Variants in QTMAN observed in about 807,000 individuals in gnomAD.
The protein encoded by QTMAN is queuosine-tRNA mannosyltransferase.
the QTMAN span, among the ~76,000 whole-genome samples, chr2:144,172,621 CAA>C: frequency 6.1e-3 from 314 of 51,348 alleles, no homozygotes; most frequent in African/African-American, 0.015. Flanking sequence ...AAGACTCTGT[CAA>C]AAAAAAAAAA....
chr2:144,121,104 T>A, the QTMAN span, among the ~76,000 whole-genome samples: 1 of 152,138 alleles, frequency 6.6e-6, no homozygotes, highest in East Asian at 1.9e-4. Context: ...GATGGCACTA[T>A]GTTCAAGGGG....
chr2:144,246,769 T>C, the QTMAN span, among the ~76,000 whole-genome samples: 2 of 152,176 alleles, frequency 1.3e-5, no homozygotes, highest in African/African-American at 4.8e-5. Flanking sequence ...CGAGTCCCTC[T>C]GCCTTGAATC....
At chr2:144,126,061 A>G in the QTMAN span, among the ~76,000 whole-genome samples, 1 of 152,002 alleles carries the variant, frequency 6.6e-6, no homozygotes, top group Non-Finnish European at 1.5e-5. Flanking sequence ...GATAGCCAGA[A>G]AATTATACAA....
the QTMAN span, among the ~76,000 whole-genome samples, chr2:144,027,763 G>C: frequency 6.6e-6 from 1 of 152,196 alleles, no homozygotes; most frequent in Non-Finnish European, 1.5e-5. Flanking sequence ...AGGTAATCCA[G>C]TTACTCCTGC....
chr2:143,980,212 G>T, the QTMAN span, among the ~76,000 whole-genome samples: 1 of 151,752 alleles, frequency 6.6e-6, no homozygotes, highest in East Asian at 1.9e-4. Flanking sequence ...ACAGGCCCCA[G>T]TGTGTGTTGT....
At chr2:144,081,631 G>T in the QTMAN span, among the ~76,000 whole-genome samples, 1 of 152,122 alleles carries the variant, frequency 6.6e-6, no homozygotes, top group Non-Finnish European at 1.5e-5. Flanking sequence ...GACGAAGTGG[G>T]GAAAGGAAAA....
At chr2:144,309,362 G>C in the QTMAN span, among the ~76,000 whole-genome samples, 1 of 152,032 alleles carries the variant, frequency 6.6e-6, no homozygotes, top group Non-Finnish European at 1.5e-5. Flanking sequence ...ACCTGTAAAC[G>C]CCCCAAATGT....
the QTMAN span, among the ~76,000 whole-genome samples, chr2:144,043,227 T>TTGTGTGTG: frequency 0.029 from 4,306 of 148,680 alleles, 188 homozygotes; most frequent in African/African-American, 0.1. Context: ...ATGTGTGAAT[T>TTGTGTGTG]TGTGTGTGTG....
At chr2:144,077,269 G>C in the QTMAN span, among the ~76,000 whole-genome samples, 35 of 152,216 alleles carry the variant, frequency 2.3e-4, no homozygotes, top group African/African-American at 8.0e-4. Flanking sequence ...CTCTGTCCCA[G>C]TACCCATTCT....
the QTMAN span, among the ~76,000 whole-genome samples, chr2:144,105,801 G>A: frequency 9.2e-5 from 14 of 152,140 alleles, no homozygotes; most frequent in Non-Finnish European, 1.9e-4. Flanking sequence ...ACACATAATT[G>A]TCAGATTCAC....
the QTMAN span, among the ~76,000 whole-genome samples, chr2:144,010,612 G>T: frequency 2.0e-5 from 3 of 152,084 alleles, no homozygotes; most frequent in African/African-American, 7.2e-5. Context: ...CACTAAGTCT[G>T]TCAGGATAGA....
At chr2:144,009,868 A>T in the QTMAN span, among the ~76,000 whole-genome samples, 1 of 152,074 alleles carries the variant, frequency 6.6e-6, no homozygotes, top group Non-Finnish European at 1.5e-5. Context: ...AAGGTAAAAA[A>T]ATAGAATGAC....
the QTMAN span, among the ~76,000 whole-genome samples, chr2:144,314,617 G>A: frequency 3.4e-4 from 52 of 152,290 alleles, no homozygotes; most frequent in Admixed American, 1.4e-3. Flanking sequence ...GGAGGCTGAG[G>A]CAGGAGAATG....
At chr2:144,320,933 G>A in the QTMAN span, among the ~76,000 whole-genome samples, 3 of 152,164 alleles carry the variant, frequency 2.0e-5, no homozygotes, top group Non-Finnish European at 4.4e-5. Context: ...TCTGGCCAAA[G>A]ACTTGTTCAA....
At chr2:144,141,993 A>G in the QTMAN span, 4 of 1,610,468 alleles carry the variant, frequency 2.5e-6, no homozygotes, top group African/African-American at 1.3e-5. Context: ...AAATTTTCCC[A>G]TGGAAGTGAG....
At chr2:144,210,210 T>A in the QTMAN span, among the ~76,000 whole-genome samples, 1 of 152,142 alleles carries the variant, frequency 6.6e-6, no homozygotes, top group Non-Finnish European at 1.5e-5. Context: ...CTGTATGACC[T>A]TGGACAAGTT....
the QTMAN span, among the ~76,000 whole-genome samples, chr2:144,165,959 C>G: frequency 6.6e-6 from 1 of 151,988 alleles, no homozygotes; most frequent in Non-Finnish European, 1.5e-5. Flanking sequence ...TCTACCTTCC[C>G]AACAAGTTTA....
chr2:144,230,491 T>C, the QTMAN span, among the ~76,000 whole-genome samples: 17 of 152,122 alleles, frequency 1.1e-4, no homozygotes, highest in Non-Finnish European at 2.4e-4. Flanking sequence ...TAGGCCACCA[T>C]TCAATAGAAA....
the QTMAN span, among the ~76,000 whole-genome samples, chr2:144,260,560 GC>G: frequency 2.0e-5 from 3 of 151,844 alleles, no homozygotes; most frequent in African/African-American, 7.3e-5. Context: ...AATCATACAT[GC>G]CCCCACATAT....
Sources: gnomAD v4.1 joint callset for allele counts (sites outside exome capture counted in the v4.1 genomes callset) on GRCh38, gnomAD v4.1.1 for gene constraint, MANE v1.5 for transcripts, NCBI Gene and HGNC (gene_info 2026-07-23, HGNC 2026-07-21) for gene names.